Variants in TNRC6B observed in about 807,000 individuals in gnomAD.
The protein encoded by TNRC6B is trinucleotide repeat containing adaptor 6B.
In TNRC6B, 52 loss-of-function variants were observed where a neutral mutation model predicts 203.6. The observed-to-expected ratio is 0.26, with a 90% CI of 0.20 to 0.32. TNRC6B has a LOEUF of 0.32. TNRC6B is among the 10% of genes least tolerant of loss of function. The pLI, the probability that TNRC6B is intolerant of heterozygous loss-of-function variation, is 1.00. For synonymous variants in TNRC6B, 838 were observed against 845.7 expected (o/e 0.99, Z 0.16); for missense variants, 1,923 against 2,286.2 (o/e 0.84, Z 3.24).
chr22:40,180,720 A>C (rs1296224701), intron 1 of TNRC6B, among the ~76,000 whole-genome samples: 4 of 152,202 alleles, frequency 2.6e-5, no homozygotes, highest in African/African-American at 9.7e-5. Context: ...TCTTTCTGTG[A>C]GTACTGTGAA....
chr22:40,299,955 C>T (rs893621056), intron 12 of TNRC6B, among the ~76,000 whole-genome samples: 1 of 152,276 alleles, frequency 6.6e-6, no homozygotes, highest in South Asian at 2.1e-4. Flanking sequence ...GATGCTGGCT[C>T]TTTTTTTACA....
In TNRC6B at chr22:40,232,403, G is replaced by A. The variant is rs1248958885; in HGVS notation, c.6-13612G>A. On this transcript the variant is annotated intron_variant, in intron 1 of 22. Coordinates refer to ENST00000454349, the MANE Select transcript of TNRC6B (RefSeq NM_001162501.2). Reference sequence around the variant, plus strand: ...AAAAGTGTTTCAGGGATGCATCATGGATAACTGCACATATTTGGAGAATTT... The same window carrying A: ...AAAAGTGTTTCAGGGATGCATCATGAATAACTGCACATATTTGGAGAATTT... 2.0e-5 allele frequency among the ~76,000 whole-genome samples: 3 copies of A among 152,288 alleles called. No homozygotes were observed. The East Asian group carries it at 5.8e-4, about 29-fold the overall frequency.
At chr22:40,280,608 C>A (rs2070710341) in intron 10 of TNRC6B, among the ~76,000 whole-genome samples, 1 of 152,172 alleles carries the variant, frequency 6.6e-6, no homozygotes, top group African/African-American at 2.4e-5. Context: ...CTAATTTAAC[C>A]AAGCAGTTTC....
intron 1 of TNRC6B, among the ~76,000 whole-genome samples, chr22:40,236,380 C>T (rs2069947756): frequency 6.6e-6 from 1 of 152,192 alleles, no homozygotes; most frequent in Non-Finnish European, 1.5e-5. Context: ...TCTCATTCAG[C>T]ATAATTCCAT....
chr22:40,237,270 C>T (rs1002901601), intron 1 of TNRC6B, among the ~76,000 whole-genome samples: 1 of 152,152 alleles, frequency 6.6e-6, no homozygotes, highest in Non-Finnish European at 1.5e-5. Context: ...CAGAGTATTC[C>T]AAAGTGTGGT....
Position 40,140,227 on chromosome 22 carries a change from C to CA in TNRC6B, c.45+14375dup, listed in dbSNP as rs937759239. On this transcript the variant is annotated intron_variant, in intron 3 of 23. Transcript: ENST00000301923. ...CAGACAATGTGATTGACTTCTGAAA[C>CA]AAAAAAAAAACCACTTCTTGCTTAG... 2.4e-3 allele frequency among the ~76,000 whole-genome samples: 348 copies of CA among 145,848 alleles called. 1 individual carries two copies. The highest frequency in any genetic ancestry group is 6.1e-3 in the African/African-American group (245 of 39,854).
intron 3 of TNRC6B, chr22:40,156,008 C>A: frequency 1.0e-6 from 1 of 955,970 alleles, no homozygotes; most frequent in Non-Finnish European, 1.6e-6. Flanking sequence ...GTTCTGTGCA[C>A]CACAGTGAAA....
At chr22:40,092,695 G>T (rs2068159673) in intron 1 of TNRC6B, among the ~76,000 whole-genome samples, 1 of 151,930 alleles carries the variant, frequency 6.6e-6, no homozygotes, top group South Asian at 2.1e-4. Flanking sequence ...ACTTTTTTAG[G>T]GGCAAGGTCT....
At chr22:40,264,597 A>C (rs2070444633) in intron 4 of TNRC6B, 91 bp from the exon 5 acceptor site, 1 of 1,362,728 alleles carries the variant, frequency 7.3e-7, no homozygotes. Context: ...CAGCTCTCCT[A>C]AGGGCAGAGC....
intron 1 of TNRC6B, among the ~76,000 whole-genome samples, chr22:40,237,056 T>C (rs2069957484): frequency 6.6e-6 from 1 of 152,026 alleles, no homozygotes; most frequent in African/African-American, 2.4e-5. Flanking sequence ...TCCCAGCTAC[T>C]CGGGAGGCTG....
chr22:40,315,690 G>GACCCAAGAACTCCCAAGGC (rs1311562208), intron 20 of TNRC6B, among the ~76,000 whole-genome samples, 183 bp downstream of exon 20: 1 of 152,128 alleles, frequency 6.6e-6, no homozygotes, highest in African/African-American at 2.4e-5. Context: ...AAGGCAAAGG[G>GACCCAAGAACTCCCAAGGC]ACAGATGGAG....
chr22:40,065,700 C>T (rs772590264), intron 1 of TNRC6B, among the ~76,000 whole-genome samples: 2 of 151,958 alleles, frequency 1.3e-5, no homozygotes, highest in African/African-American at 4.8e-5. Context: ...TGTTCTGGAT[C>T]GACGCTGTTT....
intron 1 of TNRC6B, among the ~76,000 whole-genome samples, chr22:40,054,215 C>G (rs2067774088): frequency 6.6e-6 from 1 of 152,136 alleles, no homozygotes; most frequent in East Asian, 1.9e-4. Flanking sequence ...GACCCTGTCT[C>G]AAAAACAAAA....
intron 15 of TNRC6B, among the ~76,000 whole-genome samples, chr22:40,303,762 T>C (rs1487503176): frequency 6.6e-6 from 1 of 151,998 alleles, no homozygotes; most frequent in Admixed American, 6.6e-5. Context: ...ATACAAAAAA[T>C]TAATTGGACG....
intron 3 of TNRC6B, among the ~76,000 whole-genome samples, chr22:40,146,591 G>A (rs2068697570): frequency 7.4e-6 from 1 of 135,004 alleles, no homozygotes; most frequent in African/African-American, 2.9e-5. Context: ...TTTTGAGATG[G>A]AGTCTCGCTC....
At chr22:40,280,546 C>A (rs1220238664) in intron 10 of TNRC6B, among the ~76,000 whole-genome samples, 1 of 152,204 alleles carries the variant, frequency 6.6e-6, no homozygotes, top group African/African-American at 2.4e-5. Context: ...TTCCCCAGTT[C>A]CTAGCGATCT....
chr22:40,213,067 T>C (rs549679192), intron 1 of TNRC6B, among the ~76,000 whole-genome samples: 2 of 152,358 alleles, frequency 1.3e-5, no homozygotes, highest in Admixed American at 1.3e-4. Flanking sequence ...AGATTTTATG[T>C]CTTCTCGTGT....
intron 1 of TNRC6B, among the ~76,000 whole-genome samples, chr22:40,210,931 C>G (rs1321387185): frequency 6.6e-6 from 1 of 152,290 alleles, no homozygotes; most frequent in East Asian, 1.9e-4. Flanking sequence ...TATTAGCACC[C>G]TGCCACCTCA....
chr22:40,267,642 A>T (rs937619922), intron 5 of TNRC6B, among the ~76,000 whole-genome samples: 3 of 152,176 alleles, frequency 2.0e-5, no homozygotes, highest in African/African-American at 4.8e-5. Context: ...GGGCAGGAGG[A>T]TCCCTTGAGC....
Sources: gnomAD v4.1 joint callset for allele counts (sites outside exome capture counted in the v4.1 genomes callset) on GRCh38, gnomAD v4.1.1 for gene constraint, MANE v1.5 for transcripts, NCBI Gene and HGNC (gene_info 2026-07-23, HGNC 2026-07-21) for gene names.